PHACTR1: variants seen among roughly 807,000 people sequenced by gnomAD.
PHACTR1 encodes RPEL repeat containing 1.
Under a neutral mutation model 69.2 loss-of-function variants are expected in PHACTR1, and 16 were observed. The ratio of observed to expected loss-of-function variants is 0.23; its 90% CI spans 0.16 to 0.35. The LOEUF (loss-of-function observed/expected upper bound fraction) is 0.35. Among genes scored for constraint, PHACTR1 ranks in the 10% least tolerant of loss-of-function variants. The pLI is 1.00. For synonymous variants in PHACTR1, 312 were observed against 284.5 expected (o/e 1.10, Z -0.97); for missense variants, 510 against 734.7 (o/e 0.69, Z 3.54).
intron 5 of PHACTR1, among the ~76,000 whole-genome samples, chr6:13,116,029 C>T (rs1817767628): frequency 6.6e-6 from 1 of 152,174 alleles, no homozygotes; most frequent in Admixed American, 6.5e-5. Context: ...TAGTGTGCTG[C>T]AGACTGTCTC....
chr6:13,006,519 C>A (rs4715049), intron 4 of PHACTR1, among the ~76,000 whole-genome samples: 28 of 152,080 alleles, frequency 1.8e-4, no homozygotes, highest in African/African-American at 6.3e-4. Flanking sequence ...AATGGAAATA[C>A]TGCTTCTATC....
At chr6:12,816,618 T>C (rs1016027848) in intron 4 of PHACTR1, among the ~76,000 whole-genome samples, 1 of 152,222 alleles carries the variant, frequency 6.6e-6, no homozygotes, top group Non-Finnish European at 1.5e-5. Flanking sequence ...TAGGGTATCA[T>C]ACAGTTTTTC....
chr6:13,020,710 T>A (rs926112266), intron 4 of PHACTR1, among the ~76,000 whole-genome samples: 5 of 152,256 alleles, frequency 3.3e-5, no homozygotes, highest in African/African-American at 1.2e-4. Context: ...TATCTCCTCA[T>A]GACTGCTATG....
intron 4 of PHACTR1, among the ~76,000 whole-genome samples, chr6:12,969,778 A>G (rs1793953358): frequency 6.6e-6 from 1 of 152,136 alleles, no homozygotes; most frequent in Non-Finnish European, 1.5e-5. Context: ...CCTGGCCAAC[A>G]TGGTGAAACC....
chr6:13,236,114 A>C (rs1771952983), intron 10 of PHACTR1, among the ~76,000 whole-genome samples: 1 of 149,888 alleles, frequency 6.7e-6, no homozygotes, highest in African/African-American at 2.5e-5. Context: ...TGGCAGTCAG[A>C]GTTGACCAGA....
chr6:12,718,491 T>C (rs1011580167), intron 2 of PHACTR1: 1 of 245,312 alleles, frequency 4.1e-6, no homozygotes, highest in African/African-American at 2.2e-5. Flanking sequence ...GAGTAGAATA[T>C]ATTACTTTTA....
intron 10 of PHACTR1, among the ~76,000 whole-genome samples, chr6:13,269,397 C>A (rs779645483): frequency 1.8e-4 from 27 of 152,352 alleles, no homozygotes; most frequent in Middle Eastern, 3.4e-3. Flanking sequence ...TTTCCTCCTG[C>A]AGCGTGAGAA....
At chr6:13,041,801 A>C (rs1162942152) in intron 4 of PHACTR1, among the ~76,000 whole-genome samples, 1 of 152,228 alleles carries the variant, frequency 6.6e-6, no homozygotes, top group African/African-American at 2.4e-5. Context: ...GAGCATCCTC[A>C]AACCATCCAC....
chr6:13,263,046 TC>T (rs1776117829), intron 10 of PHACTR1, among the ~76,000 whole-genome samples: 1 of 152,152 alleles, frequency 6.6e-6, no homozygotes, highest in Non-Finnish European at 1.5e-5. Flanking sequence ...GCACAACTAA[TC>T]TCTGTCAGCC....
At chr6:13,027,076 C>T (rs1002328427) in intron 4 of PHACTR1, among the ~76,000 whole-genome samples, 1 of 152,078 alleles carries the variant, frequency 6.6e-6, no homozygotes, top group Non-Finnish European at 1.5e-5. Context: ...AAATGAACAG[C>T]TGGGTCTATG....
rs187623416 is a variant in PHACTR1 at position 13,191,812 on chromosome 6, G to T, written c.664+9126G>T. Among the ~76,000 whole-genome samples the T allele has an allele frequency of 4.2e-4, 64 of 152,364 alleles. 1 individual carries two copies. In the East Asian group the frequency reaches 8.9e-3, roughly 21 times the overall value. On this transcript the variant is annotated intron_variant, in intron 7 of 14. Transcript: ENST00000332995. ...ATAAAAAATGGAAACAACACAGAAC[G>T]AATGGGGGAGTTAGCTGATTTTACT... is the stretch of plus-strand genomic sequence containing the variant.
At chr6:13,159,963 C>T (rs183931206) in intron 5 of PHACTR1, among the ~76,000 whole-genome samples, 3 of 152,156 alleles carry the variant, frequency 2.0e-5, no homozygotes, top group Non-Finnish European at 2.9e-5. Flanking sequence ...AATGCCTACC[C>T]TGTCATAGGT....
At chr6:13,094,776 A>G (rs1813889836) in intron 5 of PHACTR1, among the ~76,000 whole-genome samples, 1 of 152,218 alleles carries the variant, frequency 6.6e-6, no homozygotes. Context: ...TATTACCTAT[A>G]TATATATTAC....
intron 4 of PHACTR1, among the ~76,000 whole-genome samples, chr6:12,953,264 A>G (rs1246137241): frequency 6.6e-6 from 1 of 152,220 alleles, no homozygotes; most frequent in East Asian, 1.9e-4. Flanking sequence ...TGAAGATTGC[A>G]GTGAGCCGAG....
intron 4 of PHACTR1, among the ~76,000 whole-genome samples, chr6:12,991,913 A>T (rs1206530833): frequency 6.6e-6 from 1 of 152,002 alleles, no homozygotes; most frequent in Admixed American, 6.6e-5. Context: ...TTACTCAATT[A>T]TGGCACTGAC....
intron 4 of PHACTR1, among the ~76,000 whole-genome samples, chr6:12,991,746 T>C (rs2127607195): frequency 6.6e-6 from 1 of 152,350 alleles, no homozygotes; most frequent in East Asian, 1.9e-4. Flanking sequence ...TTTAATTAGA[T>C]AAAACTATAA....
intron 5 of PHACTR1, among the ~76,000 whole-genome samples, chr6:13,133,273 T>A (rs1820824153): frequency 9.5e-6 from 1 of 104,778 alleles, no homozygotes. Context: ...ACAGTCTCCC[T>A]CTCCCTCTTC....
In PHACTR1 at chr6:12,749,629, C is replaced by G. The variant is rs1275204322; in HGVS notation, c.104-15C>G. On this transcript the variant is annotated splice_polypyrimidine_tract_variant and intron_variant, in intron 3 of 14. Coordinates refer to ENST00000332995, the MANE Select transcript of PHACTR1 (RefSeq NM_030948.6). ...CGCCTCTCTCCCTCTCCCTCCGTCT[C>G]CTTCTCCCTCTCAGCTCGCCGGGCG... is the stretch of plus-strand genomic sequence containing the variant. 6.4e-7 allele frequency: 1 copy of G among 1,564,998 alleles called. No individual in the cohort carries two copies. The highest frequency in any genetic ancestry group is 8.7e-7 in the Non-Finnish European group (1 of 1,150,988).
intron 10 of PHACTR1, among the ~76,000 whole-genome samples, chr6:13,231,097 AG>A (rs1327122528): frequency 0.014 from 846 of 60,848 alleles, 68 homozygotes; most frequent in South Asian, 0.023. Context: ...GAAGGAAGGA[AG>A]GGAAAAGAAA....
Sources: allele counts gnomAD v4.1 joint callset (sites outside exome capture counted in the v4.1 genomes callset), GRCh38; gene constraint gnomAD v4.1.1; transcripts MANE v1.5; gene names NCBI Gene and HGNC (gene_info 2026-07-23, HGNC 2026-07-21).